Variants in LHCGR observed in about 807,000 individuals in gnomAD.
LHCGR encodes lutropin-choriogonadotropic hormone receptor.
A neutral mutation model predicts 60.7 loss-of-function variants in LHCGR; 55 were observed. That is an observed-to-expected ratio of 0.91 (90% CI 0.73 to 1.13). The LOEUF is 1.13. LHCGR is among the 50% of genes most tolerant of loss of function. The pLI is 0.00. For synonymous variants in LHCGR, 337 were observed against 316.5 expected (o/e 1.06, Z -0.69); for missense variants, 862 against 836.0 (o/e 1.03, Z -0.38).
intron 10 of LHCGR, among the ~76,000 whole-genome samples, chr2:48,690,727 C>T (rs1680191996): frequency 6.6e-6 from 1 of 152,158 alleles, no homozygotes; most frequent in Non-Finnish European, 1.5e-5. Context: ...GATTATAGTA[C>T]CCAAGTATTA....
chr2:48,743,323 A>G (rs956270137), intron 1 of LHCGR, among the ~76,000 whole-genome samples: 34 of 152,244 alleles, frequency 2.2e-4, no homozygotes, highest in Admixed American at 1.2e-3. Flanking sequence ...AAAAGAGGGA[A>G]TCCTCCCTAA....
chr2:48,728,474 G>A (rs1367641280), intron 3 of LHCGR, among the ~76,000 whole-genome samples: 1 of 152,134 alleles, frequency 6.6e-6, no homozygotes, highest in Non-Finnish European at 1.5e-5. Flanking sequence ...TAGGGGGCCT[G>A]GTGTAGAAGT....
intron 6 of LHCGR, among the ~76,000 whole-genome samples, chr2:48,714,784 C>T (rs2104433642): frequency 6.6e-6 from 1 of 152,096 alleles, no homozygotes; most frequent in African/African-American, 2.4e-5. Flanking sequence ...TACTTCTACC[C>T]AGAATAAGAC....
chr2:48,728,996 C>T (rs1411454449), intron 3 of LHCGR, among the ~76,000 whole-genome samples, 157 bp downstream of exon 3: 1 of 152,200 alleles, frequency 6.6e-6, no homozygotes, highest in Non-Finnish European at 1.5e-5. Flanking sequence ...CAGGCCACTG[C>T]AGTGAGAAAA....
At chr2:48,690,735 T>C (rs1034442768) in intron 10 of LHCGR, among the ~76,000 whole-genome samples, 2 of 152,240 alleles carry the variant, frequency 1.3e-5, no homozygotes, top group African/African-American at 4.8e-5. Flanking sequence ...TACCCAAGTA[T>C]TATTTATCCT....
At chr2:48,750,556 C>T (rs1209926770) in intron 1 of LHCGR, among the ~76,000 whole-genome samples, 1 of 152,210 alleles carries the variant, frequency 6.6e-6, no homozygotes, top group Non-Finnish European at 1.5e-5. Context: ...AGCATTTTCT[C>T]ACTTCCCCAT....
chr2:48,688,775 G>A lies in LHCGR; in HGVS notation c.1022C>T (p.Pro341Leu), dbSNP rs1292701138. ...AGCATCTGGTTCAGGAGCACATCGGGGTGTCTTGGGTAAGCAGAAACCATA... is the reference window on the plus strand; with the variant it reads ...AGCATCTGGTTCAGGAGCACATCGGAGTGTCTTGGGTAAGCAGAAACCATA... ...YEYGFCLPKT[P>L]RCAPEPDAFN... Residue 341 changes from proline (P) to leucine (L), a missense_variant, in exon 11 of 11, where the codon CCC becomes CTC. Transcript: ENST00000294954. The surrounding 1 kb of genome is among the most constrained non-coding windows in gnomAD (Gnocchi z 5.2). 1 of 1,614,040 alleles carries A rather than the reference G, an allele frequency of 6.2e-7. No homozygotes were observed. Among genetic ancestry groups the A allele is most frequent in the Non-Finnish European group, 8.5e-7 (1 of 1,179,984 alleles).
chr2:48,755,580 G>A lies in LHCGR; in HGVS notation c.92C>T (p.Pro31Leu), dbSNP rs967924637. 8.4e-6 allele frequency: 13 copies of A among 1,539,722 alleles called. No homozygotes were observed. Among genetic ancestry groups the A allele is most frequent in the Non-Finnish European group, 1.1e-5 (13 of 1,145,714 alleles). ...LPRALREALC[P>L]EPCNCVPDGA... ...GTCGGGCACGCAGTTGCAGGGCTCAGGGCAGAGCGCCTCGCGCAGCGCTCG... is the reference window on the plus strand; with the variant it reads ...GTCGGGCACGCAGTTGCAGGGCTCAAGGCAGAGCGCCTCGCGCAGCGCTCG... The change falls in exon 1 of 11, where the codon CCT (proline) becomes CTT (leucine). Residue 31 changes from proline to leucine, a missense_variant. Coordinates refer to ENST00000294954, the MANE Select transcript of LHCGR (RefSeq NM_000233.4).
intron 4 of LHCGR, 74 bp downstream of exon 4, chr2:48,725,602 C>A (rs1313043483): frequency 3.8e-6 from 4 of 1,057,474 alleles, no homozygotes; most frequent in Non-Finnish European, 4.4e-6. Flanking sequence ...ATCTTTCCAA[C>A]CTTTTCCTTG....
At chr2:48,701,015 A>T (rs968570851) in intron 8 of LHCGR, among the ~76,000 whole-genome samples, 1 of 152,046 alleles carries the variant, frequency 6.6e-6, no homozygotes, top group South Asian at 2.1e-4. Flanking sequence ...TGAAGTCAGG[A>T]GTTGACAGTG....
intron 10 of LHCGR, among the ~76,000 whole-genome samples, chr2:48,690,793 C>A (rs969465683): frequency 6.6e-6 from 1 of 152,212 alleles, no homozygotes; most frequent in African/African-American, 2.4e-5. Context: ...AAACCTATTG[C>A]AATTAAGTGA....
At chr2:48,695,042 G>C (rs1187236763) in intron 9 of LHCGR, among the ~76,000 whole-genome samples, 5 of 152,134 alleles carry the variant, frequency 3.3e-5, no homozygotes, top group African/African-American at 1.2e-4. Flanking sequence ...GATTAGTGAT[G>C]ATGAGCATTT....
chr2:48,742,622 T>C (rs1354442233), intron 1 of LHCGR, among the ~76,000 whole-genome samples: 2 of 151,130 alleles, frequency 1.3e-5, no homozygotes, highest in Non-Finnish European at 1.5e-5. Flanking sequence ...AAGGCAGAAA[T>C]AAAGATGTTC....
Position 48,698,810 on chromosome 2 carries a change from A to G in LHCGR, c.681-10T>C, listed in dbSNP as rs1186378446. On this transcript the variant is annotated splice_polypyrimidine_tract_variant and intron_variant, in intron 8 of 10. Transcript: ENST00000294954. ...GGTGGAAGAAATATCCCTGAACAATAAAGGGGAGAAATGCTTTTTATTTAT... is the reference window on the plus strand; with the variant it reads ...GGTGGAAGAAATATCCCTGAACAATGAAGGGGAGAAATGCTTTTTATTTAT... 6.2e-7 allele frequency: 1 copy of G among 1,605,640 alleles called. No individual in the cohort carries two copies. Among genetic ancestry groups the G allele is most frequent in the East Asian group, 2.2e-5 (1 of 44,742 alleles).
At chr2:48,725,063 T>C (rs1668658917) in intron 4 of LHCGR, among the ~76,000 whole-genome samples, 1 of 152,204 alleles carries the variant, frequency 6.6e-6, no homozygotes, top group South Asian at 2.1e-4. Context: ...GATAAATTCA[T>C]AGTTTTCAGG....
In LHCGR at chr2:48,755,197, A is replaced by G. The variant is rs538630621; in HGVS notation, c.161+314T>C. ...CCTGCCAGAGGAGTTGAGGAGCGTC[A>G]CACCCATATTCCCTTCAAGCAGCGG... On this transcript the variant is annotated intron_variant, in intron 1 of 10. Transcript: ENST00000294954. 1.5e-4 allele frequency among the ~76,000 whole-genome samples: 23 copies of G among 151,732 alleles called. No homozygotes were observed. In the South Asian group the frequency reaches 4.8e-3, roughly 32 times the overall value.
chr2:48,699,462 C>T (rs1452876172), intron 8 of LHCGR, among the ~76,000 whole-genome samples: 2 of 152,142 alleles, frequency 1.3e-5, no homozygotes, highest in Non-Finnish European at 2.9e-5. Context: ...TAACCACTTG[C>T]TTTATGCGAC....
In LHCGR at chr2:48,755,604, C is replaced by T; in HGVS notation, c.68G>A (p.Arg23Gln). The change falls in exon 1 of 11, where the codon CGA becomes CAA. Residue 23 changes from arginine to glutamine, a missense_variant. By Grantham distance (43) the Arg-to-Gln change is conservative. Coordinates refer to ENST00000294954, the MANE Select transcript of LHCGR (RefSeq NM_000233.4). ...LLLLLQPPLP[R>Q]ALREALCPEP... ...AGGGCAGAGCGCCTCGCGCAGCGCT[C>T]GTGGCAGCGGCGGCTGCAGCAGCAG... 6.5e-7 allele frequency: 1 copy of T among 1,533,404 alleles called. No homozygotes were observed. Among genetic ancestry groups the T allele is most frequent in the South Asian group, 1.2e-5 (1 of 83,790 alleles). The allele number at this position is 1,533,404 out of a possible 1,614,324, so 95.0% of individuals were successfully genotyped here.
intron 1 of LHCGR, chr2:48,732,893 G>A (rs10495960): frequency 0.16 from 87,195 of 534,206 alleles, 9,169 homozygotes; most frequent in Admixed American, 0.32. Flanking sequence ...ATTCCCGAAG[G>A]CATTCCCAAG....
Sources: gnomAD v4.1 joint callset for allele counts (sites outside exome capture counted in the v4.1 genomes callset) on GRCh38, gnomAD v4.1.1 for gene constraint, Gnocchi (gnomAD v3.1) non-coding constraint, MANE v1.5 for transcripts, NCBI Gene and HGNC (gene_info 2026-07-23, HGNC 2026-07-21) for gene names.